NEGR1: variants seen among roughly 807,000 people sequenced by gnomAD.
The protein encoded by NEGR1 is neuronal growth regulator 1, also known as IgLON family member 4.
In NEGR1, 10 loss-of-function variants were observed where a neutral mutation model predicts 40.9. The ratio of observed to expected loss-of-function variants is 0.24; its 90% CI spans 0.15 to 0.42. The LOEUF is 0.42. Among genes scored for constraint, NEGR1 ranks in the 10% least tolerant of loss-of-function variants. NEGR1 has a pLI of 1.00. For synonymous variants in NEGR1, 185 were observed against 166.8 expected (o/e 1.11, Z -0.84); for missense variants, 352 against 438.9 (o/e 0.80, Z 1.77).
At chr1:71,571,618 C>T (rs1223428215) in intron 6 of NEGR1, among the ~76,000 whole-genome samples, 3 of 151,874 alleles carry the variant, frequency 2.0e-5, no homozygotes, top group East Asian at 1.9e-4. Flanking sequence ...GGCGAAACCA[C>T]GTCTCTACCA....
chr1:71,939,084 T>C (rs188136173), intron 1 of NEGR1, among the ~76,000 whole-genome samples: 154 of 152,266 alleles, frequency 1.0e-3, no homozygotes, highest in African/African-American at 3.6e-3. Context: ...TTTACTCTGC[T>C]CTAGGCTGGG....
intron 2 of NEGR1, among the ~76,000 whole-genome samples, chr1:71,865,538 G>A (rs1660086628): frequency 6.6e-6 from 1 of 152,064 alleles, no homozygotes; most frequent in South Asian, 2.1e-4. Context: ...TGAACAATGT[G>A]GGAGCTGAAC....
chr1:72,040,408 C>T (rs891865323), intron 1 of NEGR1, among the ~76,000 whole-genome samples: 2 of 151,434 alleles, frequency 1.3e-5, no homozygotes, highest in Non-Finnish European at 2.9e-5. Flanking sequence ...ATTCACAGAG[C>T]ACAGAAGCCA....
chr1:72,273,995 CT>C (rs11383775), intron 1 of NEGR1, among the ~76,000 whole-genome samples: 734 of 139,362 alleles, frequency 5.3e-3, no homozygotes, highest in Admixed American at 7.8e-3. Flanking sequence ...ACGTGTTGTT[CT>C]TTTTTTTTTT....
intron 4 of NEGR1, among the ~76,000 whole-genome samples, chr1:71,631,024 A>G (rs1186909407): frequency 6.6e-6 from 1 of 151,972 alleles, no homozygotes; most frequent in Non-Finnish European, 1.5e-5. Flanking sequence ...AACTGAATTT[A>G]TTAACTTTTA....
chr1:71,568,521 C>A (rs1648694104), intron 6 of NEGR1, among the ~76,000 whole-genome samples: 1 of 152,052 alleles, frequency 6.6e-6, no homozygotes, highest in African/African-American at 2.4e-5. Flanking sequence ...ACTAGCCAAT[C>A]AAGTATTTAT....
chr1:72,026,156 AG>A (rs1646808069), intron 1 of NEGR1, among the ~76,000 whole-genome samples: 1 of 149,740 alleles, frequency 6.7e-6, no homozygotes, highest in African/African-American at 2.5e-5. Context: ...ACATAATTAA[AG>A]CAGATGGCTC....
intron 1 of NEGR1, among the ~76,000 whole-genome samples, chr1:72,047,938 G>A (rs1181135092): frequency 2.0e-5 from 3 of 151,540 alleles, no homozygotes; most frequent in Non-Finnish European, 4.4e-5. Context: ...TGCACAGAAA[G>A]AAAGTAAAAA....
chr1:71,613,022 A>T (rs1557587566), intron 4 of NEGR1, among the ~76,000 whole-genome samples: 1 of 152,222 alleles, frequency 6.6e-6, no homozygotes, highest in Non-Finnish European at 1.5e-5. Context: ...GAGTCCCTGC[A>T]GAGTACAGAT....
At chr1:72,130,688 C>A (rs977660431) in intron 1 of NEGR1, among the ~76,000 whole-genome samples, 6 of 152,102 alleles carry the variant, frequency 3.9e-5, no homozygotes, top group African/African-American at 1.4e-4. Context: ...ACCTCTGAGA[C>A]CTCATCTCCT....
chr1:72,228,349 G>C (rs934749224), intron 1 of NEGR1, among the ~76,000 whole-genome samples: 1 of 152,134 alleles, frequency 6.6e-6, no homozygotes, highest in Admixed American at 6.6e-5. Context: ...CCGCATACCT[G>C]CTTGAGCTGG....
At chr1:71,797,647 G>T (rs1336333225) in intron 2 of NEGR1, among the ~76,000 whole-genome samples, 6 of 152,102 alleles carry the variant, frequency 3.9e-5, no homozygotes, top group Admixed American at 3.9e-4. Context: ...AGGCTTTATA[G>T]AACTAACATT....
intron 2 of NEGR1, among the ~76,000 whole-genome samples, chr1:71,839,756 G>C (rs1256541743): frequency 6.6e-6 from 1 of 151,998 alleles, no homozygotes; most frequent in Non-Finnish European, 1.5e-5. Context: ...TCTTCATAAA[G>C]CAATCTCCAC....
rs1484763177 is a variant in NEGR1 at position 71,817,424 on chromosome 1, A to G, written c.410-41127T>C. On this transcript the variant is annotated intron_variant, in intron 2 of 6. Transcript: ENST00000357731. ...AGTTAGACGTTCATCACAACTTAACATTTTTCTCTTATCAGTCTTATTTCC... is the reference window on the plus strand; with the variant it reads ...AGTTAGACGTTCATCACAACTTAACGTTTTTCTCTTATCAGTCTTATTTCC... Among the ~76,000 whole-genome samples the G allele has an allele frequency of 4.6e-5, 7 of 151,890 alleles. No homozygotes were observed. The East Asian group carries it at 1.2e-3, about 25-fold the overall frequency.
intron 6 of NEGR1, among the ~76,000 whole-genome samples, chr1:71,490,188 C>T (rs1646917298): frequency 6.6e-6 from 1 of 151,844 alleles, no homozygotes; most frequent in African/African-American, 2.4e-5. Flanking sequence ...GGATTGTATT[C>T]TTTTTGCTTA....
intron 1 of NEGR1, among the ~76,000 whole-genome samples, chr1:71,988,429 C>G (rs1174639645): frequency 6.6e-6 from 1 of 150,548 alleles, no homozygotes; most frequent in Non-Finnish European, 1.5e-5. Context: ...GTCCCAGCTA[C>G]TTGGGAGGCT....
At chr1:71,878,472 G>A (rs1221739876) in intron 2 of NEGR1, among the ~76,000 whole-genome samples, 1 of 152,110 alleles carries the variant, frequency 6.6e-6, no homozygotes, top group Admixed American at 6.6e-5. Context: ...CTGGTTCAGC[G>A]ACACTGAAAA....
intron 1 of NEGR1, among the ~76,000 whole-genome samples, chr1:72,211,669 CTAA>C (rs1355101930): frequency 1.3e-5 from 2 of 150,872 alleles, no homozygotes; most frequent in African/African-American, 4.9e-5. Context: ...TATAAATGAA[CTAA>C]TAATAAATGT....
Position 71,498,749 on chromosome 1 carries a change from T to C in NEGR1, c.941-91179A>G, listed in dbSNP as rs59014020. Among the ~76,000 whole-genome samples the C allele has an allele frequency of 4.5e-4, 69 of 152,302 alleles. No homozygotes were observed. The East Asian group carries it at 0.012, about 26-fold the overall frequency. ...CTAATTTGCAGTTGATTATGCAATC[T>C]GCCAAGCCCAATCAATGTGCATACT... On this transcript the variant is annotated intron_variant, in intron 6 of 6. Coordinates refer to ENST00000357731, the MANE Select transcript of NEGR1 (RefSeq NM_173808.3).
Sources: gnomAD v4.1 joint callset for allele counts (sites outside exome capture counted in the v4.1 genomes callset) on GRCh38, gnomAD v4.1.1 for gene constraint, MANE v1.5 for transcripts, NCBI Gene and HGNC (gene_info 2026-07-23, HGNC 2026-07-21) for gene names.